NEIL3: variants seen among roughly 807,000 people sequenced by gnomAD.
NEIL3 encodes the protein endonuclease 8-like 3.
In NEIL3, 48 loss-of-function variants were observed where a neutral mutation model predicts 57.5. The observed-to-expected ratio is 0.83, with a 90% CI of 0.66 to 1.06. The LOEUF (loss-of-function observed/expected upper bound fraction) is 1.06. NEIL3 is among the 50% of genes least tolerant of loss of function. The pLI, the probability that NEIL3 is intolerant of heterozygous loss-of-function variation, is 0.00. For synonymous variants in NEIL3, 261 were observed against 253.2 expected, an observed-to-expected ratio of 1.03 and a Z score of -0.29; for missense variants, 717 against 739.1, an observed-to-expected ratio of 0.97 and a Z score of 0.35.
In NEIL3 at chr4:177,360,668, AT is replaced by A. The variant is rs748464979; in HGVS notation, c.1632del (p.Phe544LeufsTer19). The A allele has an allele frequency of 6.2e-7, 1 of 1,607,482 alleles. No individual in the cohort carries two copies. The highest frequency in any genetic ancestry group is 1.1e-5 in the South Asian group (1 of 89,672). On this transcript the variant is annotated frameshift_variant, in exon 9 of 10. Coordinates refer to ENST00000264596, the MANE Select transcript of NEIL3 (RefSeq NM_018248.3). LOFTEE classifies it high-confidence loss of function. ...CTCTACCTAGAGAAGCACAATGTGG[AT>A]TTTTTGAAGTATGTGTAAGATTTAT... ...CPLPREAQCGFFEWADLSFPF... is the reference protein window; with the variant it reads ...CPLPREAQCGXFEWADLSFPF...
At position 177,310,012 on chromosome 4, in the gene NEIL3, C is replaced by G; in HGVS notation, c.59C>G (p.Pro20Arg). The change falls in exon 1 of 10, where the codon CCG becomes CGG. Residue 20 changes from proline to arginine, a missense_variant. Transcript: ENST00000264596. ...GAGAAGATTCGCGCGCGGGTGCTCCCGGGCCAGGCGGTGACCGGCGTGCGG... is the reference window on the plus strand; with the variant it reads ...GAGAAGATTCGCGCGCGGGTGCTCCGGGGCCAGGCGGTGACCGGCGTGCGG... ...NGEKIRARVLPGQAVTGVRGS... is the reference protein window; with the variant it reads ...NGEKIRARVLRGQAVTGVRGS... 1.2e-6 allele frequency: 2 copies of G among 1,610,426 alleles called. No homozygotes were observed. The highest frequency in any genetic ancestry group is 2.2e-5 in the East Asian group (1 of 44,656).
At chr4:177,369,696 A>T in the NEIL3 span, among the ~76,000 whole-genome samples, 1 of 152,158 alleles carries the variant, frequency 6.6e-6, no homozygotes, top group Admixed American at 6.5e-5. Context: ...CGGTCCCAAG[A>T]TCTGCACCAG....
At chr4:177,332,861 TCAC>T (rs1734908224) in intron 2 of NEIL3, among the ~76,000 whole-genome samples, 1 of 152,178 alleles carries the variant, frequency 6.6e-6, no homozygotes, top group South Asian at 2.1e-4. Context: ...GCGGGGCTTG[TCAC>T]ATTTTGGAAT....
chr4:177,348,255 A>G (rs1275997199), intron 6 of NEIL3, among the ~76,000 whole-genome samples: 1 of 152,136 alleles, frequency 6.6e-6, no homozygotes, highest in African/African-American at 2.4e-5. Flanking sequence ...CATGACGCCC[A>G]TGCTGCTGGC....
intron 8 of NEIL3, among the ~76,000 whole-genome samples, chr4:177,358,072 C>A (rs1014347316): frequency 7.2e-5 from 11 of 152,176 alleles, no homozygotes; most frequent in Admixed American, 1.3e-4. Context: ...CAGTGTGATA[C>A]AGGTGGCATT....
At chr4:177,346,882 G>C (rs1248814065) in intron 6 of NEIL3, among the ~76,000 whole-genome samples, 1 of 151,890 alleles carries the variant, frequency 6.6e-6, no homozygotes, top group African/African-American at 2.4e-5. Context: ...ACCTGTAGTA[G>C]TCCCAGCTAC....
At chr4:177,349,974 A>C (rs1221253014) in intron 6 of NEIL3, among the ~76,000 whole-genome samples, 1 of 152,246 alleles carries the variant, frequency 6.6e-6, no homozygotes, top group Admixed American at 6.5e-5. Flanking sequence ...ATTAGGTCAA[A>C]TAAACAAATT....
At chr4:177,327,666 T>C (rs971454395) in intron 2 of NEIL3, among the ~76,000 whole-genome samples, 1 of 152,190 alleles carries the variant, frequency 6.6e-6, no homozygotes, top group Non-Finnish European at 1.5e-5. Context: ...TGTTGAGTAG[T>C]AGTGGTGAGA....
chr4:177,362,618 T>C lies in NEIL3; in HGVS notation c.*147T>C. ...AACTGTTCTTTTTTTTTCTTGTGTG[T>C]GCCATCTTTCCATTGTTGGCTACGT... On this transcript the variant is annotated 3_prime_UTR_variant, in exon 10 of 10. Transcript: ENST00000264596. 1 of 595,772 alleles carries C rather than the reference T, an allele frequency of 1.7e-6. No homozygotes were observed. Among genetic ancestry groups the C allele is most frequent in the Non-Finnish European group, 2.7e-6 (1 of 363,798 alleles). 36.9% of individuals were successfully genotyped at this position (595,772 alleles called of 1,614,324 possible).
rs1734974585 is a variant in NEIL3 at position 177,336,159 on chromosome 4, A to C, written c.465A>C (p.Val155=). 2 of 1,613,768 alleles carry C rather than the reference A, an allele frequency of 1.2e-6. No homozygotes were observed. The highest frequency in any genetic ancestry group is 2.7e-5 in the African/African-American group (2 of 74,924). The change falls in exon 4 of 10, where the codon GTA becomes GTC. Residue 155 remains valine (V), a synonymous_variant. Transcript: ENST00000264596. Reference sequence around the variant, plus strand: ...TAAGAATGATGAAAGAATTAGATGTATGTTCACCTGAATTTAGTTTCTTGA... The same window carrying C: ...TAAGAATGATGAAAGAATTAGATGTCTGTTCACCTGAATTTAGTTTCTTGA... The part of the protein sequence containing the change: ...QRIRMMKELD[V]CSPEFSFLRA...
intron 6 of NEIL3, among the ~76,000 whole-genome samples, chr4:177,349,863 T>C (rs1408228987): frequency 6.6e-6 from 1 of 152,184 alleles, no homozygotes; most frequent in African/African-American, 2.4e-5. Flanking sequence ...TAGGGAAAAG[T>C]TGGAGCACAT....
chr4:177,348,858 ATTTTTTTTT>A (rs749391559), intron 6 of NEIL3, among the ~76,000 whole-genome samples: 2,745 of 73,764 alleles, frequency 0.037, 112 homozygotes, highest in African/African-American at 0.12. Context: ...TGGCTCATGA[ATTTTTTTTT>A]TTTTTTTTTT....
intron 1 of NEIL3, among the ~76,000 whole-genome samples, chr4:177,320,547 G>A (rs537498010): frequency 3.5e-5 from 5 of 141,322 alleles, no homozygotes; most frequent in Admixed American, 2.3e-4. Context: ...GCGTGATCTC[G>A]GCTCACTGCA....
At position 177,341,643 on chromosome 4, in the gene NEIL3, G is replaced by A; in HGVS notation, c.869+1G>A. On this transcript the variant is annotated splice_donor_variant, in intron 6 of 9. Transcript: ENST00000264596. LOFTEE classifies it high-confidence loss of function. ...AAAATCCTCAACATGTTGACATATG[G>A]TAAGATATTGAATTTAAAGGGATAC... 1 of 1,611,584 alleles carries A rather than the reference G, an allele frequency of 6.2e-7. No individual in the cohort carries two copies. Among genetic ancestry groups the A allele is most frequent in the Non-Finnish European group, 8.5e-7 (1 of 1,178,772 alleles).
At chr4:177,312,842 T>C (rs946137829) in intron 1 of NEIL3, among the ~76,000 whole-genome samples, 2 of 152,164 alleles carry the variant, frequency 1.3e-5, no homozygotes, top group Non-Finnish European at 2.9e-5. Flanking sequence ...TTACTATGGC[T>C]TCATTTTCTG....
intron 8 of NEIL3, among the ~76,000 whole-genome samples, chr4:177,358,130 T>C (rs1487852360): frequency 1.3e-5 from 2 of 152,142 alleles, no homozygotes; most frequent in Admixed American, 6.5e-5. Context: ...AATGTGCATA[T>C]GAATCACCTG....
In NEIL3 at chr4:177,324,426, A is replaced by G. The variant is rs185592565; in HGVS notation, c.278+1846A>G. Among the ~76,000 whole-genome samples, 825 of 152,266 alleles carry G rather than the reference A, an allele frequency of 5.4e-3. 4 individuals carry two copies. The highest frequency in any genetic ancestry group is 0.027 in the Middle Eastern group (8 of 294). Reference sequence around the variant, plus strand: ...TCATTGGTTGAATCTCCTGGGATTCATTTGTTAATGAAAGTAGAATACGAG... The same window carrying G: ...TCATTGGTTGAATCTCCTGGGATTCGTTTGTTAATGAAAGTAGAATACGAG... On this transcript the variant is annotated intron_variant, in intron 2 of 9. Coordinates refer to ENST00000264596, the MANE Select transcript of NEIL3 (RefSeq NM_018248.3).
At chr4:177,312,248 GT>G (rs1176611342) in intron 1 of NEIL3, among the ~76,000 whole-genome samples, 1 of 152,160 alleles carries the variant, frequency 6.6e-6, no homozygotes, top group African/African-American at 2.4e-5. Context: ...AAGATCACAT[GT>G]CTAGTAAGGG....
rs775781156 is a variant in NEIL3, at chr4:177,310,106, G to A, written c.153G>A (p.Pro51=). 6.3e-7 allele frequency: 1 copy of A among 1,575,850 alleles called. No homozygotes were observed. Among genetic ancestry groups the A allele is most frequent in the Non-Finnish European group, 8.6e-7 (1 of 1,164,804 alleles). The change falls in exon 1 of 10, where the codon CCG becomes CCA. Residue 51 remains proline (P), a synonymous_variant. Transcript: ENST00000264596. ...RLAASTVVVS[P]QAAALNNDSS... ...CAGCCTCCACGGTTGTGGTCTCCCC[G>A]CAGGTGAGCTACTCCTGTAACAGGC... is the stretch of plus-strand genomic sequence containing the variant.
Sources: gnomAD v4.1 joint callset for allele counts (sites outside exome capture counted in the v4.1 genomes callset) on GRCh38, gnomAD v4.1.1 for gene constraint, MANE v1.5 for transcripts, NCBI Gene and HGNC (gene_info 2026-07-23, HGNC 2026-07-21) for gene names.